The following CYP39A1 variants were observed in gnomAD, a reference collection of about 807,000 sequenced individuals.
CYP39A1 encodes the protein cytochrome P450 family 39 subfamily A member 1.
CYP39A1 carries 49 observed loss-of-function variants against 58.1 expected under a neutral mutation model. The ratio of observed to expected loss-of-function variants is 0.84; its 90% CI spans 0.67 to 1.07. CYP39A1 has a LOEUF of 1.07. CYP39A1 is among the 50% of genes least tolerant of loss of function. CYP39A1 has a pLI of 0.00. For synonymous variants in CYP39A1, 209 were observed against 187.6 expected, an observed-to-expected ratio of 1.11 and a Z score of -0.93; for missense variants, 531 against 539.4, an observed-to-expected ratio of 0.98 and a Z score of 0.16.
chr6:46,566,537 A>G (rs1365882716), intron 10 of CYP39A1, among the ~76,000 whole-genome samples: 1 of 152,106 alleles, frequency 6.6e-6, no homozygotes, highest in Non-Finnish European at 1.5e-5. Flanking sequence ...CATGGGGGAA[A>G]CCACTCCTGT....
chr6:46,650,615 C>T (rs903715068), intron 1 of CYP39A1, among the ~76,000 whole-genome samples: 11 of 150,164 alleles, frequency 7.3e-5, no homozygotes, highest in Admixed American at 4.0e-4. Flanking sequence ...GCAATCCTCC[C>T]GCCTCAGCCT....
chr6:46,554,925 C>A (rs1770593713), intron 10 of CYP39A1, among the ~76,000 whole-genome samples: 2 of 152,120 alleles, frequency 1.3e-5, no homozygotes. Context: ...ATTACTGAAT[C>A]AATTTACCTT....
At chr6:46,569,553 C>T (rs772590486) in intron 10 of CYP39A1, among the ~76,000 whole-genome samples, 3 of 151,814 alleles carry the variant, frequency 2.0e-5, no homozygotes, top group Non-Finnish European at 4.4e-5. Context: ...CTTCTATACT[C>T]GATTTGTTGA....
intron 7 of CYP39A1, 63 bp downstream of exon 7, chr6:46,625,355 G>T: frequency 8.5e-7 from 1 of 1,169,742 alleles, no homozygotes; most frequent in Non-Finnish European, 1.2e-6. Flanking sequence ...ATTTAGCTTT[G>T]CCAATAATGT....
chr6:46,558,950 C>T (rs1459589670), intron 10 of CYP39A1, among the ~76,000 whole-genome samples: 2 of 148,082 alleles, frequency 1.4e-5, no homozygotes, highest in African/African-American at 2.5e-5. Context: ...GAGCCGAGAT[C>T]GCGCCACTGC....
intron 10 of CYP39A1, among the ~76,000 whole-genome samples, chr6:46,568,671 G>A (rs1771420875): frequency 6.6e-6 from 1 of 152,040 alleles, no homozygotes; most frequent in South Asian, 2.1e-4. Flanking sequence ...AATGGTCTTA[G>A]TATCTTGGTC....
intron 10 of CYP39A1, among the ~76,000 whole-genome samples, chr6:46,576,937 C>T (rs1771877131): frequency 6.6e-6 from 1 of 152,124 alleles, no homozygotes; most frequent in South Asian, 2.1e-4. Context: ...ATATTGTCCA[C>T]AAAGATTTCC....
chr6:46,566,411 G>A (rs542591033), intron 10 of CYP39A1, among the ~76,000 whole-genome samples: 46 of 152,302 alleles, frequency 3.0e-4, no homozygotes, highest in Middle Eastern at 3.4e-3. Flanking sequence ...AGGTGAAGGG[G>A]AAGGAAGGCA....
At chr6:46,645,177 C>T (rs1158120164) in intron 1 of CYP39A1, among the ~76,000 whole-genome samples, 1 of 152,112 alleles carries the variant, frequency 6.6e-6, no homozygotes, top group African/African-American at 2.4e-5. Flanking sequence ...CTTTTATGAA[C>T]TGTCCTTTTG....
intron 10 of CYP39A1, among the ~76,000 whole-genome samples, chr6:46,556,362 T>C (rs1189864551): frequency 6.6e-6 from 1 of 152,086 alleles, no homozygotes; most frequent in African/African-American, 2.4e-5. Flanking sequence ...CTAAAATTTG[T>C]AGAGAAGAGT....
chr6:46,586,137 A>G, intron 10 of CYP39A1: 1 of 825,938 alleles, frequency 1.2e-6, no homozygotes, highest in Non-Finnish European at 1.5e-6. Flanking sequence ...GTAAATTACC[A>G]AAATCATACT....
At chr6:46,634,012 A>G (rs890910487) in intron 5 of CYP39A1, among the ~76,000 whole-genome samples, 12 of 152,248 alleles carry the variant, frequency 7.9e-5, no homozygotes, top group African/African-American at 2.4e-4. Flanking sequence ...AGTTTTAAAC[A>G]CTGGATTAGC....
chr6:46,592,792 C>T (rs1044525749), intron 8 of CYP39A1, among the ~76,000 whole-genome samples: 2 of 152,040 alleles, frequency 1.3e-5, no homozygotes, highest in African/African-American at 4.8e-5. Flanking sequence ...CCTGGCTTTA[C>T]TAAAAATACA....
intron 10 of CYP39A1, among the ~76,000 whole-genome samples, chr6:46,566,257 CT>C (rs1375845524): frequency 6.6e-6 from 1 of 152,136 alleles, no homozygotes; most frequent in East Asian, 1.9e-4. Flanking sequence ...TTGGCTATCT[CT>C]TTTTAAACAT....
chr6:46,610,589 C>T (rs1259788033), intron 7 of CYP39A1, among the ~76,000 whole-genome samples: 2 of 152,134 alleles, frequency 1.3e-5, no homozygotes, highest in Non-Finnish European at 2.9e-5. Context: ...AAGCCATCCT[C>T]CCATCTCAGT....
At chr6:46,585,400 T>C (rs1195664490) in intron 10 of CYP39A1, among the ~76,000 whole-genome samples, 1 of 152,070 alleles carries the variant, frequency 6.6e-6, no homozygotes, top group African/African-American at 2.4e-5. Flanking sequence ...TAAAGAAACC[T>C]GAAAAAAGTA....
At chr6:46,586,375 G>C (rs1325624855) in intron 10 of CYP39A1, 1 of 984,104 alleles carries the variant, frequency 1.0e-6, no homozygotes, top group East Asian at 1.1e-4. Flanking sequence ...ATGAAGAAAT[G>C]TGACATATTT....
intron 8 of CYP39A1, among the ~76,000 whole-genome samples, chr6:46,590,150 G>A (rs1176657025): frequency 6.6e-6 from 1 of 152,162 alleles, no homozygotes; most frequent in African/African-American, 2.4e-5. Context: ...TTACATGACA[G>A]ATGAAGTGAA....
chr6:46,573,424 G>A (rs1269038498), intron 10 of CYP39A1, among the ~76,000 whole-genome samples: 1 of 152,108 alleles, frequency 6.6e-6, no homozygotes, highest in East Asian at 1.9e-4. Context: ...AGTGGCCAAG[G>A]TTGTAGATGT....
Sources: allele counts gnomAD v4.1 joint callset (sites outside exome capture counted in the v4.1 genomes callset), GRCh38; gene constraint gnomAD v4.1.1; transcripts MANE v1.5; gene names NCBI Gene and HGNC (gene_info 2026-07-23, HGNC 2026-07-21).